The following NKAIN2 variants were observed in gnomAD, a reference collection of about 807,000 sequenced individuals.
The protein encoded by NKAIN2 is sodium/potassium-transporting ATPase subunit beta-1-interacting protein 2.
NKAIN2 carries 14 observed loss-of-function variants against 32.6 expected under a neutral mutation model. That is an observed-to-expected ratio of 0.43 (90% CI 0.28 to 0.67). The LOEUF is 0.67. NKAIN2 is among the 30% of genes least tolerant of loss of function. The pLI is 0.17. For synonymous variants in NKAIN2, 80 were observed against 87.2 expected, an observed-to-expected ratio of 0.92 and a Z score of 0.46; for missense variants, 198 against 258.3, an observed-to-expected ratio of 0.77 and a Z score of 1.60.
intron 1 of NKAIN2, among the ~76,000 whole-genome samples, chr6:124,054,094 G>T (rs554461531): frequency 3.2e-4 from 48 of 152,202 alleles, no homozygotes; most frequent in African/African-American, 1.1e-3. Context: ...TCAAAGAAAA[G>T]TCATAGTGAG....
At chr6:123,868,108 T>G (rs1464882363) in intron 1 of NKAIN2, among the ~76,000 whole-genome samples, 1 of 152,176 alleles carries the variant, frequency 6.6e-6, no homozygotes, top group Non-Finnish European at 1.5e-5. Context: ...GACCTTGTGA[T>G]CTGCCCACCT....
chr6:124,737,653 G>C (rs538749190), intron 4 of NKAIN2, among the ~76,000 whole-genome samples: 1 of 151,896 alleles, frequency 6.6e-6, no homozygotes, highest in Non-Finnish European at 1.5e-5. Flanking sequence ...TAGAGACTTG[G>C]AGGGCTCAGA....
intron 1 of NKAIN2, among the ~76,000 whole-genome samples, chr6:124,112,345 A>T (rs1016002203): frequency 5.9e-5 from 9 of 152,106 alleles, no homozygotes; most frequent in Non-Finnish European, 1.0e-4. Context: ...TTATTTGATG[A>T]CAGTTTTATT....
intron 3 of NKAIN2, among the ~76,000 whole-genome samples, chr6:124,480,833 T>C (rs1030929107): frequency 6.6e-6 from 1 of 152,146 alleles, no homozygotes; most frequent in Non-Finnish European, 1.5e-5. Flanking sequence ...AACAAATTTC[T>C]GAAACTCAGT....
chr6:124,661,145 A>C (rs890882535), intron 4 of NKAIN2, among the ~76,000 whole-genome samples: 2 of 152,226 alleles, frequency 1.3e-5, no homozygotes, highest in African/African-American at 4.8e-5. Flanking sequence ...TCCCCAAAGC[A>C]CAAACGAGGT....
intron 5 of NKAIN2, among the ~76,000 whole-genome samples, chr6:124,793,287 T>C (rs1238489476): frequency 6.6e-6 from 1 of 152,134 alleles, no homozygotes; most frequent in Non-Finnish European, 1.5e-5. Flanking sequence ...AGGTTGAGTT[T>C]GAGGTACCTA....
chr6:123,815,587 A>G (rs1773659151), intron 1 of NKAIN2, among the ~76,000 whole-genome samples: 1 of 152,136 alleles, frequency 6.6e-6, no homozygotes. Flanking sequence ...CTCTCTTACC[A>G]GGAAAATGGG....
intron 1 of NKAIN2, among the ~76,000 whole-genome samples, chr6:123,958,177 T>G (rs1777686201): frequency 6.6e-6 from 1 of 152,192 alleles, no homozygotes; most frequent in Non-Finnish European, 1.5e-5. Context: ...GGAAGGTATC[T>G]TTAGGCCCTT....
chr6:124,705,520 C>T (rs946930531), intron 4 of NKAIN2, among the ~76,000 whole-genome samples: 4 of 151,952 alleles, frequency 2.6e-5, no homozygotes, highest in African/African-American at 9.7e-5. Context: ...GCCATGGGTA[C>T]AAGTCTCCTG....
intron 3 of NKAIN2, among the ~76,000 whole-genome samples, chr6:124,394,653 G>GA (rs58812785): frequency 0.064 from 7,572 of 118,256 alleles, 270 homozygotes; most frequent in Middle Eastern, 0.088. Flanking sequence ...CCAAATGGCA[G>GA]AAAAAAAAAA....
intron 3 of NKAIN2, among the ~76,000 whole-genome samples, chr6:124,466,867 A>G (rs552028107): frequency 1.7e-3 from 255 of 152,236 alleles, no homozygotes; most frequent in African/African-American, 5.8e-3. Flanking sequence ...TCCAATTATG[A>G]AACTTTCCAG....
chr6:124,711,768 C>G (rs1583697776), intron 4 of NKAIN2, among the ~76,000 whole-genome samples: 1 of 152,094 alleles, frequency 6.6e-6, no homozygotes, highest in East Asian at 1.9e-4. Context: ...GTTTGAATGT[C>G]CTCCCATAGC....
At chr6:124,712,210 G>T (rs1024284139) in intron 4 of NKAIN2, among the ~76,000 whole-genome samples, 8 of 149,946 alleles carry the variant, frequency 5.3e-5, no homozygotes, top group Non-Finnish European at 1.0e-4. Context: ...GAGAACCACT[G>T]CTCTCTTCAA....
chr6:124,710,638 A>G (rs866798918), intron 4 of NKAIN2, among the ~76,000 whole-genome samples: 2,452 of 149,784 alleles, frequency 0.016, 30 homozygotes, highest in Non-Finnish European at 0.018. Flanking sequence ...TTTTATCAGA[A>G]ACTAGGATTG....
chr6:123,998,799 G>A (rs1418904983), intron 1 of NKAIN2, among the ~76,000 whole-genome samples: 1 of 143,820 alleles, frequency 7.0e-6, no homozygotes. Context: ...TATATAGGGT[G>A]ATGGTATATA....
At chr6:123,995,877 TTAC>T (rs1328691617) in intron 1 of NKAIN2, among the ~76,000 whole-genome samples, 1 of 152,208 alleles carries the variant, frequency 6.6e-6, no homozygotes, top group Non-Finnish European at 1.5e-5. Flanking sequence ...ATTATTATTA[TTAC>T]TGTCATTGTT....
At chr6:124,766,075 C>A (rs572790576) in intron 4 of NKAIN2, among the ~76,000 whole-genome samples, 17 of 152,284 alleles carry the variant, frequency 1.1e-4, no homozygotes, top group African/African-American at 3.9e-4. Flanking sequence ...GAATGTTTCA[C>A]AAGACACAAC....
intron 1 of NKAIN2, among the ~76,000 whole-genome samples, chr6:123,883,475 A>G (rs1349732741): frequency 6.8e-6 from 1 of 147,550 alleles, no homozygotes; most frequent in African/African-American, 2.5e-5. Context: ...CTTGTTTTTT[A>G]AAAAGTGTGT....
At chr6:123,981,119 G>A (rs1264313178) in intron 1 of NKAIN2, among the ~76,000 whole-genome samples, 5 of 152,010 alleles carry the variant, frequency 3.3e-5, no homozygotes, top group Non-Finnish European at 5.9e-5. Context: ...TGCCCACCTC[G>A]GCCTCTCAAA....
Sources: allele counts gnomAD v4.1 joint callset (sites outside exome capture counted in the v4.1 genomes callset), GRCh38; gene constraint gnomAD v4.1.1; transcripts MANE v1.5; gene names NCBI Gene and HGNC (gene_info 2026-07-23, HGNC 2026-07-21).